GART: variants seen among roughly 807,000 people sequenced by gnomAD.
The protein encoded by GART is trifunctional purine biosynthetic protein adenosine-3.
GART carries 43 observed loss-of-function variants against 107.2 expected under a neutral mutation model. That is an observed-to-expected ratio of 0.40 (90% CI 0.31 to 0.52). The LOEUF (loss-of-function observed/expected upper bound fraction) is 0.52, where lower values mean the gene tolerates loss of function less well. Ranked by LOEUF, GART falls within the 20% of genes least tolerant of loss-of-function variation. GART has a pLI of 0.52. For missense variants in GART, 1,107 were observed against 1,206.5 expected (o/e 0.92, Z 1.22); for synonymous variants, 434 against 427.0 (o/e 1.02, Z -0.20).
At chr21:33,505,464 G>T in intron 20 of GART, 97 bp downstream of exon 20, 1 of 966,980 alleles carries the variant, frequency 1.0e-6, no homozygotes. Flanking sequence ...GGATTTCTGG[G>T]ATGGGTGTTC....
At chr21:33,539,118 A>G (rs2085359084) in intron 2 of GART, 53 bp downstream of exon 2, 3 of 1,515,750 alleles carry the variant, frequency 2.0e-6, no homozygotes, top group Non-Finnish European at 2.7e-6. Flanking sequence ...GGTTGACAGC[A>G]TACCATTAAT....
chr21:33,526,707 C>T (rs1235097156), intron 10 of GART, among the ~76,000 whole-genome samples: 2 of 152,052 alleles, frequency 1.3e-5, no homozygotes, highest in African/African-American at 4.8e-5. Flanking sequence ...AATTCCTGCC[C>T]CTTCACTGTA....
At chr21:33,514,684 T>C (rs1008585777) in intron 16 of GART, among the ~76,000 whole-genome samples, 1 of 152,194 alleles carries the variant, frequency 6.6e-6, no homozygotes, top group African/African-American at 2.4e-5. Flanking sequence ...TTATATATGC[T>C]CACCAGAAAG....
chr21:33,504,266 T>G lies in GART; in HGVS notation c.2891A>C (p.Lys964Thr). 1.2e-6 allele frequency: 2 copies of G among 1,614,220 alleles called. No homozygotes were observed. Among genetic ancestry groups the G allele is most frequent in the Non-Finnish European group, 1.7e-6 (2 of 1,180,032 alleles). Residue 964 changes from lysine (K) to threonine (T), a missense_variant, in exon 22 of 22, where the codon AAG (lysine) becomes ACG (threonine). Lys to Thr is a moderately conservative substitution (Grantham distance 78). Transcript: ENST00000381815. ...QIILQEAVPV[K>T]RGDTVATLSE... ...AAGAGTTGCGACAGTATCACCCCTC[T>G]TCACGGGAACAGCTTCTTGCAAAAT... is the stretch of plus-strand genomic sequence containing the variant.
At chr21:33,516,309 T>G (rs569985462) in intron 16 of GART, among the ~76,000 whole-genome samples, 11 of 152,042 alleles carry the variant, frequency 7.2e-5, no homozygotes, top group Middle Eastern at 3.4e-3. Context: ...GATAATACTT[T>G]TACATGGTTT....
chr21:33,509,828 A>C lies in GART; in HGVS notation c.2407T>G (p.Phe803Val). ...GCCACTCTGGCCTTTTTTTTTTCAA[A>C]AGAGAAATGATTTGTCAGGGAGCCA... ...KNGSLTNHFS[F>V]EKKKARVAVL... The change falls in exon 18 of 22, where the codon TTT (phenylalanine) becomes GTT (valine). Residue 803 changes from phenylalanine (F) to valine (V), a missense_variant. Transcript: ENST00000381815. 6.2e-7 allele frequency: 1 copy of C among 1,613,074 alleles called. No homozygotes were observed. Among genetic ancestry groups the C allele is most frequent in the Non-Finnish European group, 8.5e-7 (1 of 1,179,656 alleles).
At chr21:33,535,082 A>C (rs557165393) in intron 3 of GART, 143 bp downstream of exon 3, 1 of 556,618 alleles carries the variant, frequency 1.8e-6, no homozygotes, top group Non-Finnish European at 2.9e-6. Flanking sequence ...AAAAAAATCT[A>C]GACTCCATAA....
upstream of GART, chr21:33,542,678 C>T (rs889281519): frequency 2.9e-5 from 5 of 175,318 alleles, no homozygotes; most frequent in Non-Finnish European, 6.2e-5. Context: ...GCCTGAAAGC[C>T]GTGTGTTAAA....
At chr21:33,542,214 G>A (rs575727339), upstream of GART, 1 of 152,350 alleles carries the variant, frequency 6.6e-6, no homozygotes, top group East Asian at 1.9e-4. Flanking sequence ...CTGGGTCTCC[G>A]CGGCGAGAAT....
In GART at chr21:33,504,092, C is replaced by T; in HGVS notation, c.*32G>A. The T allele has an allele frequency of 6.4e-7, 1 of 1,558,280 alleles. No individual in the cohort carries two copies. The highest frequency in any genetic ancestry group is 2.3e-5 in the East Asian group (1 of 44,292). On this transcript the variant is annotated 3_prime_UTR_variant, in exon 22 of 22. Transcript: ENST00000381815. The stretch of plus-strand genomic sequence containing the variant: ...CCATGCAAACAGCAAATAATTCTTT[C>T]TAAACTGGCCCCATTTCTGAATTAA...
chr21:33,534,758 T>A lies in GART; in HGVS notation c.242-5A>T, dbSNP rs1159540057. ...ACCTCAGGTTCCCAACAATCCCTAT[T>A]GATGAAAACAGTAGCCTTAGGTGAA... On this transcript the variant is annotated splice_region_variant and splice_polypyrimidine_tract_variant and intron_variant, in intron 3 of 21. Coordinates refer to ENST00000381815, the MANE Select transcript of GART (RefSeq NM_000819.5). 2 of 1,563,532 alleles carry A rather than the reference T, an allele frequency of 1.3e-6. No individual in the cohort carries two copies. The highest frequency in any genetic ancestry group is 2.8e-5 in the African/African-American group (2 of 72,424).
chr21:33,510,134 A>G (rs12482067), intron 17 of GART: 10,876 of 516,140 alleles, frequency 0.021, 149 homozygotes, highest in Non-Finnish European at 0.027. Context: ...TTCAACTAAA[A>G]GCTGCAGATC....
At chr21:33,510,921 G>A (rs975512547) in intron 17 of GART, among the ~76,000 whole-genome samples, 3 of 152,154 alleles carry the variant, frequency 2.0e-5, no homozygotes, top group Non-Finnish European at 4.4e-5. Flanking sequence ...AGTCCTGACT[G>A]ATACAGTACT....
At chr21:33,508,030 T>TA (rs1036676299) in intron 18 of GART, among the ~76,000 whole-genome samples, 4 of 152,140 alleles carry the variant, frequency 2.6e-5, no homozygotes, top group Admixed American at 1.3e-4. Context: ...AATTAAAAAT[T>TA]AAAAAAACTC....
At chr21:33,514,725 T>C (rs2084846128) in intron 16 of GART, among the ~76,000 whole-genome samples, 1 of 152,204 alleles carries the variant, frequency 6.6e-6, no homozygotes, top group Non-Finnish European at 1.5e-5. Flanking sequence ...CTTGAACCAC[T>C]AGTTTCACCC....
At chr21:33,510,122 A>G in intron 17 of GART, 1 of 536,978 alleles carries the variant, frequency 1.9e-6, no homozygotes, top group Non-Finnish European at 3.3e-6. Context: ...ATATGTAATT[A>G]CTTCAACTAA....
In GART at chr21:33,532,330, G is replaced by T; in HGVS notation, c.528+15C>A. ...ATGAATAGAAAAGTAAATTTTTTCA[G>T]AAGACCCAGCCTACCTGCATGATCT... On this transcript the variant is annotated intron_variant, in intron 5 of 21. Coordinates refer to ENST00000381815, the MANE Select transcript of GART (RefSeq NM_000819.5). 6.3e-7 allele frequency: 1 copy of T among 1,589,166 alleles called. No homozygotes were observed.
chr21:33,519,369 C>T (rs1247767217), intron 14 of GART, among the ~76,000 whole-genome samples: 1 of 151,952 alleles, frequency 6.6e-6, no homozygotes, highest in Non-Finnish European at 1.5e-5. Flanking sequence ...CTGGCTAACA[C>T]GGTGAAACCC....
At chr21:33,539,457 C>T in intron 1 of GART, 101 bp from the exon 2 acceptor site, 1 of 786,952 alleles carries the variant, frequency 1.3e-6, no homozygotes, top group Non-Finnish European at 1.9e-6. Flanking sequence ...TTTTGGGAGG[C>T]CGAGGCAGGT....
Sources: gnomAD v4.1 joint callset for allele counts (sites outside exome capture counted in the v4.1 genomes callset) on GRCh38, gnomAD v4.1.1 for gene constraint, MANE v1.5 for transcripts, NCBI Gene and HGNC (gene_info 2026-07-23, HGNC 2026-07-21) for gene names.